The following TTC27 variants were observed in gnomAD, a reference collection of about 807,000 sequenced individuals.
TTC27 encodes the protein tetratricopeptide repeat domain 27.
In TTC27, 79 loss-of-function variants were observed where a neutral mutation model predicts 115.9. The ratio of observed to expected loss-of-function variants is 0.68; its 90% CI spans 0.57 to 0.82. TTC27 has a LOEUF of 0.82. Among genes scored for constraint, TTC27 ranks in the 40% least tolerant of loss-of-function variants. The pLI is 0.00. For synonymous variants in TTC27, 401 were observed against 356.0 expected (o/e 1.13, Z -1.42); for missense variants, 1,054 against 993.1 (o/e 1.06, Z -0.82).
At chr2:32,816,522 C>T (rs992489951) in intron 18 of TTC27, among the ~76,000 whole-genome samples, 1 of 152,148 alleles carries the variant, frequency 6.6e-6, no homozygotes, top group African/African-American at 2.4e-5. Flanking sequence ...GCTCTTCACT[C>T]GTTCTCATAA....
At chr2:32,724,186 G>A (rs1198861907) in intron 10 of TTC27, among the ~76,000 whole-genome samples, 1 of 152,068 alleles carries the variant, frequency 6.6e-6, no homozygotes, top group Non-Finnish European at 1.5e-5. Flanking sequence ...TAGATGGGCT[G>A]TAGGGAAGGC....
chr2:32,777,834 G>A (rs1278444611), intron 13 of TTC27, 48 bp from the exon 14 acceptor site: 1 of 1,568,584 alleles, frequency 6.4e-7, no homozygotes, highest in South Asian at 1.1e-5. Flanking sequence ...ATTACATTCT[G>A]TAAATGTTTC....
intron 9 of TTC27, among the ~76,000 whole-genome samples, chr2:32,686,762 G>C (rs1217484485): frequency 6.6e-6 from 1 of 152,158 alleles, no homozygotes; most frequent in Non-Finnish European, 1.5e-5. Flanking sequence ...GGTGATACTG[G>C]GGAATGATCA....
intron 6 of TTC27, among the ~76,000 whole-genome samples, chr2:32,665,664 G>A (rs1665745796): frequency 6.6e-6 from 1 of 152,160 alleles, no homozygotes; most frequent in Non-Finnish European, 1.5e-5. Context: ...GGAGGCTGAG[G>A]CGGGCAGATC....
intron 10 of TTC27, among the ~76,000 whole-genome samples, chr2:32,728,738 C>A (rs768135643): frequency 6.6e-6 from 1 of 152,222 alleles, no homozygotes; most frequent in East Asian, 1.9e-4. Context: ...CAACAGTGTT[C>A]TATGTATGAG....
intron 10 of TTC27, among the ~76,000 whole-genome samples, chr2:32,712,118 C>T (rs902391275): frequency 2.6e-5 from 4 of 152,128 alleles, no homozygotes; most frequent in Non-Finnish European, 4.4e-5. Context: ...TGGTTGCCGG[C>T]AGTTACACTG....
chr2:32,793,074 A>C (rs1572619029), intron 16 of TTC27, among the ~76,000 whole-genome samples: 1 of 152,184 alleles, frequency 6.6e-6, no homozygotes, highest in Non-Finnish European at 1.5e-5. Flanking sequence ...AAGGGATTTA[A>C]AGGCCATTAT....
At chr2:32,699,571 C>A (rs1667114253) in intron 9 of TTC27, among the ~76,000 whole-genome samples, 1 of 152,226 alleles carries the variant, frequency 6.6e-6, no homozygotes, top group Non-Finnish European at 1.5e-5. Context: ...CATAAACCAA[C>A]ATATTTCCTG....
chr2:32,796,954 C>A (rs373963065), intron 16 of TTC27, among the ~76,000 whole-genome samples: 1 of 151,664 alleles, frequency 6.6e-6, no homozygotes, highest in South Asian at 2.1e-4. Context: ...GGGCAGATCA[C>A]CTGAGGTCAG....
At chr2:32,659,970 A>G (rs528511753) in intron 5 of TTC27, among the ~76,000 whole-genome samples, 4 of 152,294 alleles carry the variant, frequency 2.6e-5, no homozygotes, top group African/African-American at 9.6e-5. Flanking sequence ...GTGCTGCAGT[A>G]AACATATGTG....
intron 13 of TTC27, among the ~76,000 whole-genome samples, chr2:32,760,076 T>G (rs1669381907): frequency 6.6e-6 from 1 of 152,202 alleles, no homozygotes; most frequent in Admixed American, 6.5e-5. Flanking sequence ...AATTGTCATT[T>G]TTGAACTGGA....
chr2:32,792,836 A>G (rs941787945), intron 16 of TTC27, among the ~76,000 whole-genome samples: 1 of 152,242 alleles, frequency 6.6e-6, no homozygotes, highest in African/African-American at 2.4e-5. Context: ...TGGGAAACGA[A>G]TAGTTAATAC....
chr2:32,638,144 G>C (rs1455004894), intron 3 of TTC27, among the ~76,000 whole-genome samples: 5 of 152,144 alleles, frequency 3.3e-5, no homozygotes, highest in Non-Finnish European at 7.3e-5. Flanking sequence ...AATTTTTATG[G>C]ATCTGTTTCC....
At chr2:32,632,647 T>C (rs1358089054) in intron 2 of TTC27, among the ~76,000 whole-genome samples, 2 of 152,240 alleles carry the variant, frequency 1.3e-5, no homozygotes, top group Admixed American at 1.3e-4. Flanking sequence ...TTTATATTTT[T>C]GCTACCATAG....
intron 10 of TTC27, among the ~76,000 whole-genome samples, chr2:32,715,093 A>G (rs560036845): frequency 6.6e-6 from 1 of 151,992 alleles, no homozygotes; most frequent in Non-Finnish European, 1.5e-5. Flanking sequence ...TCCATTTGTC[A>G]ATTTTTGTTT....
intron 14 of TTC27, among the ~76,000 whole-genome samples, chr2:32,778,951 TG>T (rs1670084610): frequency 6.6e-6 from 1 of 152,140 alleles, no homozygotes; most frequent in Admixed American, 6.5e-5. Flanking sequence ...AGGCCGGGTG[TG>T]GTGGCTCACG....
chr2:32,806,020 CTT>C (rs1671118272), intron 16 of TTC27, among the ~76,000 whole-genome samples: 1 of 152,142 alleles, frequency 6.6e-6, no homozygotes, highest in Middle Eastern at 3.2e-3. Flanking sequence ...AGGCCTTAGT[CTT>C]TATTTCAGTG....
intron 12 of TTC27, among the ~76,000 whole-genome samples, chr2:32,741,070 T>A (rs897469017): frequency 2.0e-5 from 3 of 152,242 alleles, no homozygotes; most frequent in African/African-American, 7.2e-5. Context: ...AGTACTTTAA[T>A]AGCTTGAATT....
At chr2:32,779,106 C>G (rs1670090027) in intron 14 of TTC27, among the ~76,000 whole-genome samples, 1 of 152,112 alleles carries the variant, frequency 6.6e-6, no homozygotes, top group African/African-American at 2.4e-5. Context: ...TGCCGTGGTC[C>G]CAGCTACTCA....
Sources: gnomAD v4.1 joint callset for allele counts (sites outside exome capture counted in the v4.1 genomes callset) on GRCh38, gnomAD v4.1.1 for gene constraint, MANE v1.5 for transcripts, NCBI Gene and HGNC (gene_info 2026-07-23, HGNC 2026-07-21) for gene names.